Variants in EPAS1 observed in about 807,000 individuals in gnomAD.
EPAS1 encodes endothelial PAS domain protein 1, also known as endothelial PAS domain-containing protein 1.
EPAS1 carries 23 observed loss-of-function variants against 87.9 expected under a neutral mutation model. The ratio of observed to expected loss-of-function variants is 0.26; its 90% CI spans 0.19 to 0.37. EPAS1 has a LOEUF of 0.37. Ranked by LOEUF, EPAS1 falls within the 10% of genes least tolerant of loss-of-function variation. The pLI is 1.00. For synonymous variants in EPAS1, 508 were observed against 444.3 expected (o/e 1.14, Z -1.80); for missense variants, 1,138 against 1,120.7 (o/e 1.02, Z -0.22).
chr2:46,380,366 G>A lies in EPAS1; in HGVS notation c.1694G>A (p.Ser565Asn). Reference protein sequence around the residue: ...NPQSTPQHCFSAMTNIFQPLA... With the variant: ...NPQSTPQHCFNAMTNIFQPLA... ...CAGTCCACCCCCCAGCACTGCTTCA[G>A]TGCCATGACAAACATCTTCCAGCCA... Residue 565 changes from serine (S) to asparagine (N), a missense_variant, in exon 12 of 16, where the codon AGT (serine) becomes AAT (asparagine). Coordinates refer to ENST00000263734, the MANE Select transcript of EPAS1 (RefSeq NM_001430.5). This position sits in a 1 kb window ranked among gnomAD's most constrained non-coding sequence, Gnocchi z 4.4. 2 of 1,614,156 alleles carry A rather than the reference G, an allele frequency of 1.2e-6. No homozygotes were observed. Among genetic ancestry groups the A allele is most frequent in the South Asian group, 2.2e-5 (2 of 91,088 alleles).
At chr2:46,313,979 A>G (rs183281983) in intron 1 of EPAS1, among the ~76,000 whole-genome samples, 2 of 152,268 alleles carry the variant, frequency 1.3e-5, no homozygotes, top group African/African-American at 4.8e-5. Context: ...TTCAGTGCTT[A>G]ATTTTTTTTC....
chr2:46,297,940 AAGCGGGCGTCCGGGCCGATC>A lies in EPAS1; in HGVS notation c.26+6_26+25del. ...ACAGCTGACAAGGAGAAGAAAAGGT[AAGCGGGCGTCCGGGCCGATC>A]AGGGGGCCGGTCCGAGGCCAGGGCC... On this transcript the variant is annotated splice_donor_5th_base_variant and intron_variant, in intron 1 of 15. Coordinates refer to ENST00000263734, the MANE Select transcript of EPAS1 (RefSeq NM_001430.5). The A allele has an allele frequency of 6.2e-7, 1 of 1,612,378 alleles. No homozygotes were observed. The highest frequency in any genetic ancestry group is 8.5e-7 in the Non-Finnish European group (1 of 1,179,292).
At position 46,378,693 on chromosome 2, in the gene EPAS1, A is replaced by G. The variant is rs1248539654; in HGVS notation, c.1480A>G (p.Asn494Asp). 6.2e-7 allele frequency: 1 copy of G among 1,614,054 alleles called. No homozygotes were observed. The highest frequency in any genetic ancestry group is 1.3e-5 in the African/African-American group (1 of 74,924). ...SPEDYYTSLDNDLKIEVIEKL... is the reference protein window; with the variant it reads ...SPEDYYTSLDDDLKIEVIEKL... Reference sequence around the variant, plus strand: ...TGAAGACTATTACACATCTTTGGATAACGACCTGAAGATTGAAGTGATTGA... The same window carrying G: ...TGAAGACTATTACACATCTTTGGATGACGACCTGAAGATTGAAGTGATTGA... Residue 494 changes from asparagine (N) to aspartate (D), a missense_variant, in exon 11 of 16, where the codon AAC becomes GAC. This residue lies in a region of EPAS1 where 284 missense variants were observed against 258.4 expected (regional missense o/e 1.10). Transcript: ENST00000263734.
At chr2:46,374,228 A>G (rs1684684976) in intron 7 of EPAS1, among the ~76,000 whole-genome samples, 1 of 152,182 alleles carries the variant, frequency 6.6e-6, no homozygotes. Context: ...GGGCTGATGA[A>G]TGGGGAGGAG....
At chr2:46,364,827 GT>G (rs1222799280) in intron 6 of EPAS1, among the ~76,000 whole-genome samples, 2 of 152,158 alleles carry the variant, frequency 1.3e-5, no homozygotes, top group Non-Finnish European at 2.9e-5. Context: ...TGAGCAACCA[GT>G]TACGAACTGT....
chr2:46,331,681 T>C (rs991192350), intron 1 of EPAS1, among the ~76,000 whole-genome samples: 8 of 152,212 alleles, frequency 5.3e-5, no homozygotes, highest in African/African-American at 1.9e-4. Flanking sequence ...GACCACTTCT[T>C]AGTTGATTCT....
rs1684278795 is a variant in EPAS1 at position 46,356,705 on chromosome 2, A to T, written c.370-19A>T. 2 of 1,592,386 alleles carry T rather than the reference A, an allele frequency of 1.3e-6. No homozygotes were observed. The highest frequency in any genetic ancestry group is 1.7e-6 in the Non-Finnish European group (2 of 1,160,264). ...TTCACTGTTAGGAATAATGATGCCT[A>T]ACCTTGTTTTTGAAACAGGTGGAGC... is the stretch of plus-strand genomic sequence containing the variant. On this transcript the variant is annotated intron_variant, in intron 3 of 15. Coordinates refer to ENST00000263734, the MANE Select transcript of EPAS1 (RefSeq NM_001430.5).
At chr2:46,378,222 C>A in intron 10 of EPAS1, 135 bp downstream of exon 10, 1 of 1,420,218 alleles carries the variant, frequency 7.0e-7, no homozygotes. Flanking sequence ...GGCCGTGACA[C>A]TTACCTACCA....
chr2:46,381,185 C>T (rs1684881795), intron 12 of EPAS1: 1 of 359,872 alleles, frequency 2.8e-6, no homozygotes, highest in Admixed American at 3.9e-5. Context: ...ATGCTCATTT[C>T]ACCAGCTGCG....
rs954575642 is a variant in EPAS1 at position 46,300,075 on chromosome 2, G to A, written c.26+2138G>A. Among the ~76,000 whole-genome samples, 154 of 150,870 alleles carry A rather than the reference G, an allele frequency of 1.0e-3. 2 individuals carry two copies. The highest frequency in any genetic ancestry group is 8.8e-5 in the Non-Finnish European group (6 of 68,024). On this transcript the variant is annotated intron_variant, in intron 1 of 15. Coordinates refer to ENST00000263734, the MANE Select transcript of EPAS1 (RefSeq NM_001430.5). This position sits in a 1 kb window ranked among gnomAD's most constrained non-coding sequence, Gnocchi z 4.1. ...CTTCACCATCTAGAGCCCCTTAAGG[G>A]GTTGTCCAATTCCTATTGGGCTAAT...
intron 14 of EPAS1, 35 bp downstream of exon 14, chr2:46,382,124 GT>G (rs1222256030): frequency 6.3e-7 from 1 of 1,596,532 alleles, no homozygotes; most frequent in East Asian, 2.2e-5. Flanking sequence ...CCTCCTGGGG[GT>G]TCTGGTGGAA....
In EPAS1 at chr2:46,375,635, T is replaced by C; in HGVS notation, c.887-55T>C. The C allele has an allele frequency of 6.3e-7, 1 of 1,591,468 alleles. No homozygotes were observed. ...CCTCCCATGCGATCTGCTGAGCCTG[T>C]GGTGCACACCCCTGCCCCACCTCCC... On this transcript the variant is annotated intron_variant, in intron 7 of 15. Transcript: ENST00000263734. The surrounding 1 kb of genome is among the most constrained non-coding windows in gnomAD (Gnocchi z 4.1).
rs1196243980 is a variant in EPAS1 at position 46,381,722 on chromosome 2, G to A, written c.2172G>A (p.Gly724=). The change falls in exon 13 of 16, where the codon GGG becomes GGA. Residue 724 remains glycine, a splice_region_variant and synonymous_variant. Coordinates refer to ENST00000263734, the MANE Select transcript of EPAS1 (RefSeq NM_001430.5). ...AGCAAGCCTTCCAGGACCTGAGCGG[G>A]GTGAGTCATCCCCACTGGCCACAGG... The part of the protein sequence containing the change: ...YEEQAFQDLS[G]GDPPGGSTSH... 4 of 1,613,650 alleles carry A rather than the reference G, an allele frequency of 2.5e-6. No homozygotes were observed. Among genetic ancestry groups the A allele is most frequent in the African/African-American group, 2.7e-5 (2 of 74,932 alleles).
In EPAS1 at chr2:46,356,138, C is replaced by T; in HGVS notation, c.218-13C>T. 7 of 1,261,396 alleles carry T rather than the reference C, an allele frequency of 5.5e-6. No homozygotes were observed. Among genetic ancestry groups the T allele is most frequent in the Non-Finnish European group, 7.7e-6 (7 of 913,470 alleles). 78.1% of individuals were successfully genotyped at this position (1,261,396 alleles called of 1,614,324 possible). ...ACATTCATGCAAGCTGTCCCACCCC[C>T]CCCCCTTTCCAGTTTGCTCTGAAAA... On this transcript the variant is annotated splice_polypyrimidine_tract_variant and intron_variant, in intron 2 of 15. Coordinates refer to ENST00000263734, the MANE Select transcript of EPAS1 (RefSeq NM_001430.5).
chr2:46,358,521 C>A (rs1031991145), intron 4 of EPAS1, among the ~76,000 whole-genome samples: 1 of 152,206 alleles, frequency 6.6e-6, no homozygotes, highest in African/African-American at 2.4e-5. Context: ...GTCAGTTCAG[C>A]CACTGACCAT....
intron 1 of EPAS1, among the ~76,000 whole-genome samples, chr2:46,302,657 C>A (rs1041535452): frequency 1.3e-5 from 2 of 149,816 alleles, no homozygotes; most frequent in Non-Finnish European, 2.9e-5. Flanking sequence ...CCGACTCCTA[C>A]TCTGGCTAAA....
intron 1 of EPAS1, among the ~76,000 whole-genome samples, chr2:46,336,181 A>C (rs1683788445): frequency 6.6e-6 from 1 of 152,208 alleles, no homozygotes; most frequent in South Asian, 2.1e-4. Flanking sequence ...GGAAAAGAGC[A>C]AAGGGCATTT....
intron 1 of EPAS1, 133 bp downstream of exon 1, chr2:46,298,070 C>T: frequency 8.8e-7 from 1 of 1,136,020 alleles, no homozygotes; most frequent in Admixed American, 2.1e-5. Context: ...GTTTGGAGGG[C>T]TGTGAGGGGG....
At chr2:46,357,739 G>T (rs1215049088) in intron 4 of EPAS1, among the ~76,000 whole-genome samples, 1 of 152,234 alleles carries the variant, frequency 6.6e-6, no homozygotes, top group East Asian at 1.9e-4. Flanking sequence ...TGATGGAGAA[G>T]AGGTTTAAAA....
Sources: gnomAD v4.1 joint callset for allele counts (sites outside exome capture counted in the v4.1 genomes callset) on GRCh38, gnomAD v4.1.1 for gene constraint, gnomAD v4.1.1 regional missense constraint, Gnocchi (gnomAD v3.1) non-coding constraint, MANE v1.5 for transcripts, NCBI Gene and HGNC (gene_info 2026-07-23, HGNC 2026-07-21) for gene names.